DYNC1H1: variants seen among roughly 807,000 people sequenced by gnomAD.
DYNC1H1 encodes cytoplasmic dynein 1 heavy chain 1.
A neutral mutation model predicts 527.1 loss-of-function variants in DYNC1H1; 51 were observed. That is an observed-to-expected ratio of 0.10 (90% confidence interval 0.08 to 0.12). DYNC1H1 has a LOEUF of 0.12. DYNC1H1 is among the 10% of genes least tolerant of loss of function. The pLI is 1.00. For synonymous variants in DYNC1H1, 2,189 were observed against 2,278.8 expected (o/e 0.96, Z 1.12); for missense variants, 2,771 against 5,971.8 (o/e 0.46, Z 17.66).
At chr14:102,025,618 A>G (rs973851010) in intron 43 of DYNC1H1, among the ~76,000 whole-genome samples, 4 of 151,848 alleles carry the variant, frequency 2.6e-5, no homozygotes. Flanking sequence ...TCACATTTCT[A>G]ATTGAGTTTG....
Position 102,044,751 on chromosome 14 carries a change from A to C in DYNC1H1, c.13006+53A>C. On this transcript the variant is annotated intron_variant, in intron 72 of 77. Coordinates refer to ENST00000360184, the MANE Select transcript of DYNC1H1 (RefSeq NM_001376.5). The surrounding 1 kb of genome is among the most constrained non-coding windows in gnomAD (Gnocchi z 7.1). ...CAGGGTGGGTGGCGAGGGTCCCCTC[A>C]CGCGGGGTGGGTGGCGAGGGTCCCC... The C allele has an allele frequency of 1.3e-5, 18 of 1,372,546 alleles. No homozygotes were observed. The highest frequency in any genetic ancestry group is 2.5e-4 in the Middle Eastern group (1 of 3,922). 85.0% of individuals were successfully genotyped at this position (1,372,546 alleles called of 1,614,324 possible).
chr14:101,972,562 C>A (rs933239009), intron 1 of DYNC1H1, among the ~76,000 whole-genome samples: 1 of 152,194 alleles, frequency 6.6e-6, no homozygotes, highest in Non-Finnish European at 1.5e-5. Context: ...AGAGCTGGAG[C>A]GCTCACCACA....
rs1013636555 is a variant in DYNC1H1 at position 101,965,135 on chromosome 14, C to T, written c.256+188C>T. ...CGGGTCCCCAGGGCCGCAGACGCCC[C>T]GCAGAGGCCGGCGCGGCGCCCGGGG... On this transcript the variant is annotated intron_variant, in intron 1 of 77. Transcript: ENST00000360184. The surrounding 1 kb of genome is among the most constrained non-coding windows in gnomAD (Gnocchi z 4.1). Among the ~76,000 whole-genome samples, 1 of 151,790 alleles carries T rather than the reference C, an allele frequency of 6.6e-6. No homozygotes were observed. The highest frequency in any genetic ancestry group is 1.5e-5 in the Non-Finnish European group (1 of 67,906).
intron 42 of DYNC1H1, 43 bp from the exon 43 acceptor site, chr14:102,022,708 G>A (rs370967610): frequency 5.8e-5 from 94 of 1,613,204 alleles, no homozygotes; most frequent in Non-Finnish European, 7.4e-5. Context: ...CTTCTTCACC[G>A]TGCCCTCTAG....
At chr14:102,000,241 G>T (rs748105648) in intron 17 of DYNC1H1, 45 bp from the exon 18 acceptor site, 1 of 1,614,058 alleles carries the variant, frequency 6.2e-7, no homozygotes, top group South Asian at 1.1e-5. Flanking sequence ...ATTCTGGGGT[G>T]ATTTCTATTT....
At position 102,036,198 on chromosome 14, in the gene DYNC1H1, C is replaced by G; in HGVS notation, c.10755-291C>G. 2.5e-6 allele frequency: 1 copy of G among 394,148 alleles called. No homozygotes were observed. Among genetic ancestry groups the G allele is most frequent in the South Asian group, 2.2e-5 (1 of 46,358 alleles). 24.4% of individuals were successfully genotyped at this position (394,148 alleles called of 1,614,324 possible). A position where few individuals can be genotyped will look rare whatever the true frequency, so the allele number is the denominator to read the frequency against. On this transcript the variant is annotated intron_variant, in intron 56 of 77. Coordinates refer to ENST00000360184, the MANE Select transcript of DYNC1H1 (RefSeq NM_001376.5). This position sits in a 1 kb window ranked among gnomAD's most constrained non-coding sequence, Gnocchi z 5.6. ...ACATGAAAAAGCTATTCTAACAGTGCAGGATGCTGAGAGGATGATTGTCCC... is the reference window on the plus strand; with the variant it reads ...ACATGAAAAAGCTATTCTAACAGTGGAGGATGCTGAGAGGATGATTGTCCC...
At chr14:102,023,462 T>A (rs2048411628) in intron 43 of DYNC1H1, 1 of 191,688 alleles carries the variant, frequency 5.2e-6, no homozygotes, top group Non-Finnish European at 1.1e-5. Context: ...GGCAGGAGAA[T>A]CTTTGGAACC....
At chr14:101,994,083 A>T in intron 11 of DYNC1H1, 101 bp from the exon 12 acceptor site, 1 of 1,580,446 alleles carries the variant, frequency 6.3e-7, no homozygotes, top group Non-Finnish European at 8.7e-7. Context: ...CATTTTGGTC[A>T]TGAGCTTTTC....
chr14:101,964,608 G>A lies in DYNC1H1; in HGVS notation c.-84G>A. 3 of 1,531,288 alleles carry A rather than the reference G, an allele frequency of 2.0e-6. No homozygotes were observed. Among genetic ancestry groups the A allele is most frequent in the African/African-American group, 2.7e-5 (2 of 72,814 alleles). 94.9% of individuals were successfully genotyped at this position (1,531,288 alleles called of 1,614,324 possible). A position where few individuals can be genotyped will look rare whatever the true frequency, so the allele number is the denominator to read the frequency against. On this transcript the variant is annotated 5_prime_UTR_variant, in exon 1 of 78. Transcript: ENST00000360184. This position sits in a 1 kb window ranked among gnomAD's most constrained non-coding sequence, Gnocchi z 5.5. ...GGGCTAGCGGACGGTCCGGCTTCCG[G>A]CGGCCGTTTCTGTCTCTTGCTGGCT...
chr14:102,006,912 T>C lies in DYNC1H1; in HGVS notation c.5717-96T>C, dbSNP rs10142230. On this transcript the variant is annotated intron_variant, in intron 27 of 77. Coordinates refer to ENST00000360184, the MANE Select transcript of DYNC1H1 (RefSeq NM_001376.5). ...ACCCTACCTGGCCACTACTTGGATT[T>C]TTTAAATGAGTTGCTTTTTGTAGTT... The C allele has an allele frequency of 3.2e-3, 4,569 of 1,417,870 alleles. 154 individuals carry two copies. The African/African-American group carries it at 0.057, about 18-fold the overall frequency. The allele number at this position is 1,417,870 out of a possible 1,614,324, so 87.8% of individuals were successfully genotyped here. A position where few individuals can be genotyped will look rare whatever the true frequency, so the allele number is the denominator to read the frequency against.
intron 52 of DYNC1H1, chr14:102,032,852 C>T (rs2048525790): frequency 5.0e-6 from 3 of 604,572 alleles, no homozygotes. Context: ...AACCCTGTCT[C>T]ATTAAAAAAG....
chr14:101,995,216 G>A lies in DYNC1H1; in HGVS notation c.3480G>A (p.Thr1160=), dbSNP rs776275624. The A allele has an allele frequency of 1.4e-5, 23 of 1,614,048 alleles. No homozygotes were observed. The Admixed American group carries it at 2.8e-4, about 20-fold the overall frequency. Residue 1160 remains threonine (T), a synonymous_variant, in exon 15 of 78, where the codon ACG becomes ACA. Coordinates refer to ENST00000360184, the MANE Select transcript of DYNC1H1 (RefSeq NM_001376.5). The part of the protein sequence containing the change: ...RQELEQHSVD[T]ASTSDAVTFI... ...AGTTGGAGCAGCACTCAGTAGACACGGCCAGCACCTCCGATGCAGTGACCT... is the reference window on the plus strand; with the variant it reads ...AGTTGGAGCAGCACTCAGTAGACACAGCCAGCACCTCCGATGCAGTGACCT...
chr14:102,051,268 A>G lies in DYNC1H1; in HGVS notation c.*705A>G. On this transcript the variant is annotated 3_prime_UTR_variant, in exon 78 of 78. Transcript: ENST00000360184. ...AAGACCCTGTCTCAAAAAAAAAAAA[A>G]GCTGGGCGTGGTGGCTCATGCCTGT... 6.6e-6 allele frequency: 1 copy of G among 151,344 alleles called. No individual in the cohort carries two copies. Among genetic ancestry groups the G allele is most frequent in the Non-Finnish European group, 1.4e-5 (1 of 69,912 alleles). 9.4% of individuals were successfully genotyped at this position (151,344 alleles called of 1,614,324 possible).
intron 15 of DYNC1H1, 78 bp downstream of exon 15, chr14:101,995,378 G>C (rs578108568): frequency 1.9e-6 from 3 of 1,547,608 alleles, no homozygotes; most frequent in Admixed American, 3.4e-5. Flanking sequence ...TTGGGAGGCC[G>C]AGGCGGGCGG....
At chr14:102,050,003 G>A (rs920962482) in intron 76 of DYNC1H1, 68 bp from the exon 77 acceptor site, 42 of 1,613,934 alleles carry the variant, frequency 2.6e-5, no homozygotes, top group African/African-American at 1.2e-4. Flanking sequence ...GCCTCTGGGC[G>A]CCCTGTGACT....
At chr14:101,998,965 T>C (rs957591545) in intron 16 of DYNC1H1, among the ~76,000 whole-genome samples, 3 of 145,408 alleles carry the variant, frequency 2.1e-5, no homozygotes, top group Admixed American at 1.4e-4. Context: ...CACTGCAAGC[T>C]CTGCCTCCTG....
In DYNC1H1 at chr14:102,038,885, C is replaced by A; in HGVS notation, c.11206+37C>A. ...ACCTGTGGCTTTTAGATGGTTGGTG[C>A]AGGGGAAGGGGCTGAACTTTTAAGT... is the stretch of plus-strand genomic sequence containing the variant. On this transcript the variant is annotated intron_variant, in intron 59 of 77. Transcript: ENST00000360184. The surrounding 1 kb of genome is among the most constrained non-coding windows in gnomAD (Gnocchi z 7.2). 6.2e-7 allele frequency: 1 copy of A among 1,614,028 alleles called. No individual in the cohort carries two copies. The highest frequency in any genetic ancestry group is 8.5e-7 in the Non-Finnish European group (1 of 1,180,022).
Position 102,033,504 on chromosome 14 carries a change from T to A in DYNC1H1, c.10413+20T>A. The A allele has an allele frequency of 6.2e-7, 1 of 1,613,446 alleles. No homozygotes were observed. Among genetic ancestry groups the A allele is most frequent in the Non-Finnish European group, 8.5e-7 (1 of 1,179,760 alleles). ...GCAAAAGTAAGATTATCATCATTGA[T>A]CCTCAGCCTTTCCTGCTGTGGAAGC... On this transcript the variant is annotated intron_variant, in intron 54 of 77. Transcript: ENST00000360184. The surrounding 1 kb of genome is among the most constrained non-coding windows in gnomAD (Gnocchi z 5.6).
At chr14:101,989,803 C>T (rs1046142623) in intron 10 of DYNC1H1, among the ~76,000 whole-genome samples, 2 of 152,162 alleles carry the variant, frequency 1.3e-5, no homozygotes, top group African/African-American at 2.4e-5. Flanking sequence ...ATGAGTGTTT[C>T]TAAATTGATA....
Sources: allele counts gnomAD v4.1 joint callset (sites outside exome capture counted in the v4.1 genomes callset), GRCh38; gene constraint gnomAD v4.1.1; non-coding constraint Gnocchi (gnomAD v3.1); transcripts MANE v1.5; gene names NCBI Gene and HGNC (gene_info 2026-07-23, HGNC 2026-07-21).